The following MEI4 variants were observed in gnomAD, a reference collection of about 807,000 sequenced individuals.
MEI4 encodes meiosis-specific protein MEI4.
MEI4 carries 27 observed loss-of-function variants against 31.4 expected under a neutral mutation model. The ratio of observed to expected loss-of-function variants is 0.86; its 90% CI spans 0.63 to 1.19. The LOEUF (loss-of-function observed/expected upper bound fraction) is 1.19, where lower values mean the gene tolerates loss of function less well. Ranked by LOEUF, MEI4 falls within the 50% of genes most tolerant of loss-of-function variation. The pLI is 0.00. For synonymous variants in MEI4, 122 were observed against 145.4 expected, an observed-to-expected ratio of 0.84 and a Z score of 1.16; for missense variants, 329 against 398.9, an observed-to-expected ratio of 0.82 and a Z score of 1.49.
chr6:77,707,387 C>T (rs1766356721), intron 2 of MEI4, among the ~76,000 whole-genome samples: 1 of 152,166 alleles, frequency 6.6e-6, no homozygotes, highest in Non-Finnish European at 1.5e-5. Context: ...CTGCTTCTAA[C>T]TGCCTATTAT....
At chr6:77,879,354 C>T (rs1405812575) in intron 4 of MEI4, among the ~76,000 whole-genome samples, 1 of 152,112 alleles carries the variant, frequency 6.6e-6, no homozygotes, top group Non-Finnish European at 1.5e-5. Context: ...TTAGAATTCT[C>T]TTGTATTATA....
intron 3 of MEI4, among the ~76,000 whole-genome samples, chr6:77,792,258 A>G (rs560223128): frequency 6.6e-6 from 1 of 152,254 alleles, no homozygotes; most frequent in African/African-American, 2.4e-5. Flanking sequence ...TGCAAGGAAC[A>G]TGGGAGAATA....
rs984067318 is a variant in MEI4 at position 77,822,282 on chromosome 6, GA to G, written c.769-6648del. Among the ~76,000 whole-genome samples, 125 of 152,220 alleles carry G rather than the reference GA, an allele frequency of 8.2e-4. 1 individual carries two copies. Among genetic ancestry groups the G allele is most frequent in the African/African-American group, 2.8e-3 (115 of 41,548 alleles). Reference sequence around the variant, plus strand: ...ATTACTTAAATTTCTAGGGGAATGTGATTTGGCAGGGCCCTGACCCTGTGAA... The same window carrying G: ...ATTACTTAAATTTCTAGGGGAATGTGTTTGGCAGGGCCCTGACCCTGTGAA... On this transcript the variant is annotated intron_variant, in intron 3 of 4. Coordinates refer to ENST00000684080, the MANE Select transcript of MEI4 (RefSeq NM_001322247.2).
intron 4 of MEI4, among the ~76,000 whole-genome samples, chr6:77,849,211 C>T (rs1288424473): frequency 6.6e-6 from 1 of 151,852 alleles, no homozygotes; most frequent in Non-Finnish European, 1.5e-5. Flanking sequence ...TTAATATATT[C>T]AGATTTATAA....
chr6:77,677,432 G>A (rs1048461994), intron 1 of MEI4, among the ~76,000 whole-genome samples: 2 of 152,128 alleles, frequency 1.3e-5, no homozygotes, highest in South Asian at 4.1e-4. Flanking sequence ...CTAGATAGTT[G>A]TGCAAGCTGG....
At chr6:77,732,265 G>T (rs1767024329) in intron 2 of MEI4, among the ~76,000 whole-genome samples, 1 of 151,942 alleles carries the variant, frequency 6.6e-6, no homozygotes, top group Admixed American at 6.6e-5. Flanking sequence ...CATGAGCATG[G>T]AATGTTCTTC....
At chr6:77,752,597 G>A (rs1374004487) in intron 2 of MEI4, among the ~76,000 whole-genome samples, 2 of 152,080 alleles carry the variant, frequency 1.3e-5, no homozygotes, top group African/African-American at 4.8e-5. Flanking sequence ...CACTGCTTAA[G>A]GAAATAAGAG....
At chr6:77,883,937 A>T (rs1428490243) in intron 4 of MEI4, among the ~76,000 whole-genome samples, 1 of 151,310 alleles carries the variant, frequency 6.6e-6, no homozygotes. Context: ...GTTTTTTTTA[A>T]AAACCTCCAT....
At chr6:77,790,029 G>A (rs1354746058) in intron 3 of MEI4, among the ~76,000 whole-genome samples, 1 of 151,968 alleles carries the variant, frequency 6.6e-6, no homozygotes, top group Non-Finnish European at 1.5e-5. Context: ...TGATAGACTG[G>A]ATTAAGAAAA....
intron 3 of MEI4, among the ~76,000 whole-genome samples, chr6:77,811,648 A>C (rs372408943): frequency 6.6e-6 from 1 of 151,824 alleles, no homozygotes; most frequent in South Asian, 2.1e-4. Context: ...GGTGGTGGAC[A>C]CCTTTAATCC....
intron 2 of MEI4, among the ~76,000 whole-genome samples, chr6:77,760,229 T>C (rs1027001272): frequency 2.0e-5 from 3 of 150,988 alleles, no homozygotes; most frequent in Non-Finnish European, 4.5e-5. Context: ...TACATATATA[T>C]ACACACATAT....
chr6:77,748,131 A>G (rs776891228), intron 2 of MEI4, among the ~76,000 whole-genome samples: 1 of 152,126 alleles, frequency 6.6e-6, no homozygotes, highest in Non-Finnish European at 1.5e-5. Context: ...TGGATCTACT[A>G]TTCTGGGATC....
intron 2 of MEI4, among the ~76,000 whole-genome samples, chr6:77,748,379 C>T (rs929151197): frequency 6.6e-6 from 1 of 152,250 alleles, no homozygotes; most frequent in African/African-American, 2.4e-5. Flanking sequence ...AGGCCCAACA[C>T]CATGTGGAAG....
At chr6:77,752,543 A>G (rs2127678462) in intron 2 of MEI4, among the ~76,000 whole-genome samples, 1 of 152,298 alleles carries the variant, frequency 6.6e-6, no homozygotes, top group Admixed American at 6.5e-5. Flanking sequence ...TAGGAATACA[A>G]CTTACAAGGG....
intron 3 of MEI4, among the ~76,000 whole-genome samples, chr6:77,795,538 C>G (rs1236469928): frequency 1.5e-5 from 2 of 135,502 alleles, no homozygotes; most frequent in Non-Finnish European, 3.1e-5. Flanking sequence ...ATTGACAAAT[C>G]TTCAGCTAGA....
intron 3 of MEI4, among the ~76,000 whole-genome samples, chr6:77,790,505 A>C (rs146851422): frequency 5.8e-4 from 88 of 152,108 alleles, no homozygotes; most frequent in African/African-American, 2.0e-3. Flanking sequence ...AAACTCCACC[A>C]CTATGCAATA....
At chr6:77,695,214 G>T (rs1281030759) in intron 2 of MEI4, among the ~76,000 whole-genome samples, 5 of 152,066 alleles carry the variant, frequency 3.3e-5, no homozygotes, top group Admixed American at 3.3e-4. Context: ...TTTGTAGGTT[G>T]CCTGTTCACT....
chr6:77,737,828 C>T (rs1438946596), intron 2 of MEI4, among the ~76,000 whole-genome samples: 2 of 152,108 alleles, frequency 1.3e-5, no homozygotes, highest in Non-Finnish European at 2.9e-5. Flanking sequence ...GGTTTCAAAC[C>T]TTGGAGACTG....
chr6:77,822,600 T>A (rs974761437), intron 3 of MEI4, among the ~76,000 whole-genome samples: 1 of 143,016 alleles, frequency 7.0e-6, no homozygotes, highest in African/African-American at 2.6e-5. Flanking sequence ...ATAAGCTGGA[T>A]TGCATTTGGA....
Sources: allele counts gnomAD v4.1 joint callset (sites outside exome capture counted in the v4.1 genomes callset), GRCh38; gene constraint gnomAD v4.1.1; transcripts MANE v1.5; gene names NCBI Gene and HGNC (gene_info 2026-07-23, HGNC 2026-07-21).